Variants in SRRM1 observed in about 807,000 individuals in gnomAD.
SRRM1 encodes serine/arginine repetitive matrix protein 1.
A neutral mutation model predicts 110.2 loss-of-function variants in SRRM1; 19 were observed. The ratio of observed to expected loss-of-function variants is 0.17; its 90% CI spans 0.12 to 0.25. The LOEUF (loss-of-function observed/expected upper bound fraction) is 0.25. Among genes scored for constraint, SRRM1 ranks in the 10% least tolerant of loss-of-function variants. The probability of loss-of-function intolerance (pLI) is 1.00; values close to 1 mark genes in which losing one functional copy is unlikely to be tolerated. For missense variants in SRRM1, 918 were observed against 1,145.8 expected, an observed-to-expected ratio of 0.80 and a Z score of 2.87; for synonymous variants, 443 against 414.9, an observed-to-expected ratio of 1.07 and a Z score of -0.82.
intron 6 of SRRM1, among the ~76,000 whole-genome samples, 169 bp from the exon 7 acceptor site, chr1:24,652,265 C>T (rs1661401828): frequency 1.3e-5 from 2 of 151,052 alleles, no homozygotes; most frequent in Non-Finnish European, 2.9e-5. Flanking sequence ...ATTAGTTGCT[C>T]TCTGGGTTTC....
At chr1:24,656,188 C>A (rs1664000137) in intron 9 of SRRM1, among the ~76,000 whole-genome samples, 1 of 152,182 alleles carries the variant, frequency 6.6e-6, no homozygotes, top group Admixed American at 6.5e-5. Context: ...ATTATTCACC[C>A]TGTTGCCTTA....
chr1:24,650,160 G>T, intron 5 of SRRM1, 74 bp downstream of exon 5: 1 of 1,372,524 alleles, frequency 7.3e-7, no homozygotes, highest in South Asian at 1.7e-5. Flanking sequence ...AGTTAAAAAG[G>T]AATCTAACAG....
At chr1:24,670,607 T>G (rs1293629966) in intron 15 of SRRM1, among the ~76,000 whole-genome samples, 1 of 152,094 alleles carries the variant, frequency 6.6e-6, no homozygotes, top group African/African-American at 2.4e-5. Context: ...TCCCTTCGCC[T>G]CAGCCTCCCA....
Position 24,671,548 on chromosome 1 carries a change from A to G in SRRM1, c.2563A>G (p.Thr855Ala), listed in dbSNP as rs1672732346. Residue 855 changes from threonine (T) to alanine (A), a missense_variant, in exon 16 of 17, where the codon ACC becomes GCC. Thr to Ala is a moderately conservative substitution (Grantham distance 58). Coordinates refer to ENST00000323848, the MANE Select transcript of SRRM1 (RefSeq NM_005839.4). Reference protein sequence around the residue: ...VTPAAIAAATTTLAQEEPVAA... With the variant: ...VTPAAIAAATATLAQEEPVAA... Reference sequence around the variant, plus strand: ...CCCTGCAGCCATTGCAGCTGCCACAACCACATTAGCACAGGAAGAGCCAGT... The same window carrying G: ...CCCTGCAGCCATTGCAGCTGCCACAGCCACATTAGCACAGGAAGAGCCAGT... The G allele has an allele frequency of 6.2e-7, 1 of 1,608,950 alleles. No individual in the cohort carries two copies. Among genetic ancestry groups the G allele is most frequent in the Admixed American group, 1.7e-5 (1 of 58,488 alleles).
At chr1:24,652,290 A>C (rs918886219) in intron 6 of SRRM1, 144 bp from the exon 7 acceptor site, 2 of 564,456 alleles carry the variant, frequency 3.5e-6, no homozygotes, top group Non-Finnish European at 3.0e-6. Flanking sequence ...ATAGGTACAT[A>C]CATACTTATG....
intron 8 of SRRM1, chr1:24,654,266 G>GT (rs1662725880): frequency 1.6e-6 from 2 of 1,286,132 alleles, no homozygotes; most frequent in African/African-American, 3.0e-5. Flanking sequence ...CTTTCAGCCA[G>GT]TTTTTATCTC....
At chr1:24,672,031 G>A (rs554028872) in intron 16 of SRRM1, 151 bp from the exon 17 acceptor site, 13 of 550,836 alleles carry the variant, frequency 2.4e-5, no homozygotes, top group African/African-American at 7.6e-5. Flanking sequence ...TTAACTCGTC[G>A]TTTAGCATTA....
chr1:24,655,885 T>G (rs1168644586), intron 9 of SRRM1, among the ~76,000 whole-genome samples: 1 of 152,114 alleles, frequency 6.6e-6, no homozygotes, highest in Non-Finnish European at 1.5e-5. Flanking sequence ...CTAAAGCAAT[T>G]GAGTTTTAAG....
At chr1:24,670,375 C>A in intron 15 of SRRM1, 60 bp downstream of exon 15, 1 of 1,454,850 alleles carries the variant, frequency 6.9e-7, no homozygotes, top group Non-Finnish European at 9.2e-7. Context: ...CACTTTGAAG[C>A]AGAGAAAATG....
At chr1:24,657,493 T>C (rs899353948) in intron 9 of SRRM1, among the ~76,000 whole-genome samples, 11 of 152,232 alleles carry the variant, frequency 7.2e-5, no homozygotes, top group African/African-American at 7.2e-5. Context: ...GAAATTACTT[T>C]GCAGTTTCTG....
chr1:24,667,069 T>C (rs771735870), intron 13 of SRRM1, 144 bp downstream of exon 13: 6 of 594,154 alleles, frequency 1.0e-5, no homozygotes, highest in Non-Finnish European at 1.8e-5. Context: ...ATCATCATGC[T>C]TATGAACTAC....
At chr1:24,663,504 C>A (rs1174051403) in intron 12 of SRRM1, among the ~76,000 whole-genome samples, 1 of 152,084 alleles carries the variant, frequency 6.6e-6, no homozygotes, top group African/African-American at 2.4e-5. Context: ...TTACATCAAG[C>A]AGCACGCAGA....
At chr1:24,650,265 G>A (rs1659869525) in intron 5 of SRRM1, among the ~76,000 whole-genome samples, 179 bp downstream of exon 5, 1 of 152,222 alleles carries the variant, frequency 6.6e-6, no homozygotes, top group Non-Finnish European at 1.5e-5. Flanking sequence ...GTTTGAGACA[G>A]ATAATTTAGC....
chr1:24,655,151 A>G (rs1434182702), intron 9 of SRRM1, 22 bp downstream of exon 9: 3 of 1,610,100 alleles, frequency 1.9e-6, no homozygotes, highest in Non-Finnish European at 2.5e-6. Flanking sequence ...ACACATATGA[A>G]ACATGGTCTC....
intron 9 of SRRM1, among the ~76,000 whole-genome samples, chr1:24,657,357 T>A (rs911421022): frequency 2.0e-5 from 3 of 152,240 alleles, no homozygotes; most frequent in African/African-American, 7.2e-5. Flanking sequence ...GAGTTGTCAT[T>A]CCCAGTTAAA....
chr1:24,656,522 C>CA (rs1664204356), intron 9 of SRRM1, among the ~76,000 whole-genome samples: 1 of 152,148 alleles, frequency 6.6e-6, no homozygotes, highest in African/African-American at 2.4e-5. Context: ...CCTCATGTAC[C>CA]ATACTGCTTT....
intron 1 of SRRM1, among the ~76,000 whole-genome samples, chr1:24,644,177 G>A (rs1326481543): frequency 6.6e-6 from 1 of 152,150 alleles, no homozygotes; most frequent in East Asian, 1.9e-4. Flanking sequence ...ATCGCCTGCA[G>A]GCAGGGAAGT....
At chr1:24,646,919 A>C (rs544580743) in intron 3 of SRRM1, 130 bp downstream of exon 3, 44 of 737,868 alleles carry the variant, frequency 6.0e-5, no homozygotes, top group South Asian at 3.5e-4. Flanking sequence ...AAAAGAATTC[A>C]CTTTGTAAAC....
At chr1:24,645,017 T>G (rs1029446129) in intron 1 of SRRM1, among the ~76,000 whole-genome samples, 2 of 152,188 alleles carry the variant, frequency 1.3e-5, no homozygotes, top group African/African-American at 4.8e-5. Flanking sequence ...GGTCATTATC[T>G]AGTACCCTGC....
Sources: gnomAD v4.1 joint callset for allele counts (sites outside exome capture counted in the v4.1 genomes callset) on GRCh38, gnomAD v4.1.1 for gene constraint, MANE v1.5 for transcripts, NCBI Gene and HGNC (gene_info 2026-07-23, HGNC 2026-07-21) for gene names.